The following CFAP54 variants were observed in gnomAD, a reference collection of about 807,000 sequenced individuals.
CFAP54 encodes the protein cilia and flagella associated protein 54.
CFAP54 carries 290 observed loss-of-function variants against 370.4 expected under a neutral mutation model. The ratio of observed to expected loss-of-function variants is 0.78; its 90% CI spans 0.71 to 0.86. The LOEUF (loss-of-function observed/expected upper bound fraction) is 0.86, where lower values mean the gene tolerates loss of function less well. Ranked by LOEUF, CFAP54 falls within the 40% of genes least tolerant of loss-of-function variation. The pLI is 0.00. For synonymous variants in CFAP54, 1,206 were observed against 1,236.5 expected (o/e 0.98, Z 0.52); for missense variants, 3,399 against 3,528.7 (o/e 0.96, Z 0.93).
chr12:96,530,077 A>C (rs953835477), intron 9 of CFAP54, among the ~76,000 whole-genome samples: 15 of 152,222 alleles, frequency 9.9e-5, no homozygotes, highest in Admixed American at 4.6e-4. Flanking sequence ...CATTTATTGA[A>C]GATAACTTCC....
chr12:96,496,583 C>T (rs1954957026), intron 1 of CFAP54, among the ~76,000 whole-genome samples: 1 of 151,666 alleles, frequency 6.6e-6, no homozygotes, highest in African/African-American at 2.4e-5. Context: ...GACATTAATT[C>T]CATCAGGCCA....
intron 65 of CFAP54, among the ~76,000 whole-genome samples, chr12:96,821,644 G>A (rs944185759): frequency 6.7e-6 from 1 of 148,520 alleles, no homozygotes; most frequent in African/African-American, 2.5e-5. Flanking sequence ...TTTGAAAGTT[G>A]AGAAATGAAA....
chr12:96,703,412 G>A (rs944988494), intron 46 of CFAP54, among the ~76,000 whole-genome samples: 6 of 152,110 alleles, frequency 3.9e-5, no homozygotes, highest in East Asian at 3.8e-4. Flanking sequence ...ACAGGTACTT[G>A]AGTAGGACAC....
chr12:96,521,790 A>G, intron 6 of CFAP54, 67 bp from the exon 7 acceptor site: 3 of 1,203,412 alleles, frequency 2.5e-6, no homozygotes, highest in Non-Finnish European at 1.1e-6. Flanking sequence ...AGAACAAAAC[A>G]TTGTCTTTAT....
chr12:96,681,897 C>A (rs1407080485), intron 40 of CFAP54, among the ~76,000 whole-genome samples: 1 of 151,978 alleles, frequency 6.6e-6, no homozygotes, highest in African/African-American at 2.4e-5. Context: ...TTGTGCCCGG[C>A]CCCTCTGTAG....
At chr12:96,849,477 A>G (rs751920010) in intron 66 of CFAP54, among the ~76,000 whole-genome samples, 14 of 152,224 alleles carry the variant, frequency 9.2e-5, no homozygotes, top group Non-Finnish European at 1.6e-4. Context: ...GAGAAGGAAG[A>G]GGCCTCAGAG....
chr12:96,824,893 A>G (rs1959069356), intron 65 of CFAP54, among the ~76,000 whole-genome samples: 1 of 152,004 alleles, frequency 6.6e-6, no homozygotes, highest in Non-Finnish European at 1.5e-5. Context: ...TTACTTTTAC[A>G]TGACCTGTTA....
At chr12:96,816,402 G>T (rs1009271445) in intron 64 of CFAP54, among the ~76,000 whole-genome samples, 1 of 152,046 alleles carries the variant, frequency 6.6e-6, no homozygotes, top group African/African-American at 2.4e-5. Context: ...ATTTTTCAAT[G>T]GGTAAGTTTT....
rs79304458 is a variant in CFAP54 at position 96,835,645 on chromosome 12, C to T, written c.9171+6557C>T. 9.6e-3 allele frequency among the ~76,000 whole-genome samples: 1,460 copies of T among 152,284 alleles called. 55 individuals are homozygous for T. The East Asian group carries it at 0.099, about 10-fold the overall frequency. On this transcript the variant is annotated intron_variant, in intron 66 of 67. Coordinates refer to ENST00000524981, the MANE Select transcript of CFAP54 (RefSeq NM_001306084.2). The stretch of plus-strand genomic sequence containing the variant: ...GGGAGCAGGCACTTCCAAGACTTCC[C>T]GGGCCCCCAAGAATGTAGGGATACC...
chr12:96,621,869 G>A (rs1332824122), intron 27 of CFAP54, 148 bp downstream of exon 27: 1 of 106,650 alleles, frequency 9.4e-6, no homozygotes. Context: ...AAGAGCTTTT[G>A]GGTTTGTTTT....
At chr12:96,720,219 C>T (rs1336065716) in intron 49 of CFAP54, among the ~76,000 whole-genome samples, 186 bp from the exon 50 acceptor site, 1 of 152,168 alleles carries the variant, frequency 6.6e-6, no homozygotes, top group East Asian at 1.9e-4. Context: ...TTTCACTTTC[C>T]TTTTCGTTTT....
intron 26 of CFAP54, among the ~76,000 whole-genome samples, chr12:96,618,141 C>G (rs1476349998): frequency 6.6e-6 from 1 of 152,042 alleles, no homozygotes; most frequent in Non-Finnish European, 1.5e-5. Context: ...CAACTACTTA[C>G]GTTTAAGTAA....
intron 8 of CFAP54, among the ~76,000 whole-genome samples, chr12:96,524,889 AT>A (rs1166562503): frequency 2.0e-5 from 3 of 152,164 alleles, no homozygotes; most frequent in African/African-American, 7.2e-5. Context: ...TTTTATCATT[AT>A]TACTTTAGTT....
At chr12:96,502,407 A>AT (rs1955040275) in intron 2 of CFAP54, among the ~76,000 whole-genome samples, 1 of 151,154 alleles carries the variant, frequency 6.6e-6, no homozygotes, top group Non-Finnish European at 1.5e-5. Context: ...AAAAAAAAAA[A>AT]AAAAAAAAAA....
intron 30 of CFAP54, among the ~76,000 whole-genome samples, chr12:96,627,174 G>A (rs1229338987): frequency 6.6e-6 from 1 of 152,198 alleles, no homozygotes; most frequent in Non-Finnish European, 1.5e-5. Context: ...GCTGGAAACA[G>A]ATTAAGTCTT....
chr12:96,753,621 T>C, intron 55 of CFAP54, 122 bp from the exon 56 acceptor site: 1 of 928,526 alleles, frequency 1.1e-6, no homozygotes, highest in Non-Finnish European at 1.6e-6. Context: ...TGCTAAAAAC[T>C]GTAAAAACTA....
At chr12:96,540,537 A>G (rs1230941280) in intron 13 of CFAP54, among the ~76,000 whole-genome samples, 1 of 152,244 alleles carries the variant, frequency 6.6e-6, no homozygotes, top group Admixed American at 6.5e-5. Flanking sequence ...CTATTCACTG[A>G]TATGTACAAA....
intron 55 of CFAP54, among the ~76,000 whole-genome samples, chr12:96,744,823 T>A (rs1273288900): frequency 6.6e-6 from 1 of 152,324 alleles, no homozygotes; most frequent in East Asian, 1.9e-4. Context: ...CCAGCATTCA[T>A]TGGCCATTCT....
intron 30 of CFAP54, 97 bp downstream of exon 30, chr12:96,627,036 GAGTAT>G: frequency 1.1e-6 from 1 of 876,506 alleles, no homozygotes; most frequent in South Asian, 5.2e-5. Flanking sequence ...AAAGAGAGTG[GAGTAT>G]ATACAGTTAA....
Sources: gnomAD v4.1 joint callset for allele counts (sites outside exome capture counted in the v4.1 genomes callset) on GRCh38, gnomAD v4.1.1 for gene constraint, MANE v1.5 for transcripts, NCBI Gene and HGNC (gene_info 2026-07-23, HGNC 2026-07-21) for gene names.